The following FOXK1 variants were observed in gnomAD, a reference collection of about 807,000 sequenced individuals.
FOXK1 encodes forkhead box K1.
FOXK1 carries 19 observed loss-of-function variants against 51.9 expected under a neutral mutation model. The ratio of observed to expected loss-of-function variants is 0.37; its 90% CI spans 0.26 to 0.54. The LOEUF (loss-of-function observed/expected upper bound fraction) is 0.54, where lower values mean the gene tolerates loss of function less well. Among genes scored for constraint, FOXK1 ranks in the 20% least tolerant of loss-of-function variants. The pLI is 0.87. For synonymous variants in FOXK1, 537 were observed against 482.6 expected, an observed-to-expected ratio of 1.11 and a Z score of -1.48; for missense variants, 870 against 1,032.7, an observed-to-expected ratio of 0.84 and a Z score of 2.16.
Position 4,717,325 on chromosome 7 carries a change from G to A in FOXK1, c.561-23513G>A, listed in dbSNP as rs569633309. Among the ~76,000 whole-genome samples the A allele has an allele frequency of 6.8e-3, 891 of 130,486 alleles. 15 individuals are homozygous for A. Among genetic ancestry groups the A allele is most frequent in the African/African-American group, 0.024 (825 of 34,198 alleles). 85.6% of individuals were successfully genotyped at this position (130,486 alleles called of 152,430 possible). A position where few individuals can be genotyped will look rare whatever the true frequency, so the allele number is the denominator to read the frequency against. On this transcript the variant is annotated intron_variant, in intron 1 of 8. Transcript: ENST00000328914. ...GATGGAAGGTGGTGGCGGGAGGTGC[G>A]TGACTGGGGAGGTGTGTGGCTGGGA...
At chr7:4,687,573 C>A (rs911290740) in intron 1 of FOXK1, among the ~76,000 whole-genome samples, 1 of 152,116 alleles carries the variant, frequency 6.6e-6, no homozygotes, top group African/African-American at 2.4e-5. Context: ...GGATGACAGG[C>A]GTGAGCTACT....
intron 1 of FOXK1, among the ~76,000 whole-genome samples, chr7:4,710,106 G>GA (rs1780156062): frequency 6.6e-6 from 1 of 152,210 alleles, no homozygotes; most frequent in Non-Finnish European, 1.5e-5. Context: ...TTCCTCATCT[G>GA]AATGAGAAGG....
In FOXK1 at chr7:4,682,492, CCGGGCGCGATCG is replaced by C. The variant is rs1334689612; in HGVS notation, c.193_204del (p.Ile65_Ala68del). ...GCCGCCGCCGCCACCGCCGCTGCCT[CCGGGCGCGATCG>C]CGGGCGCGGGCTCCTCCGGGGGCTC... is the stretch of plus-strand genomic sequence containing the variant. On this transcript the variant is annotated inframe_deletion, in exon 1 of 9. Transcript: ENST00000328914. This position sits in a 1 kb window ranked among gnomAD's most constrained non-coding sequence, Gnocchi z 7.6. The C allele has an allele frequency of 2.0e-6, 2 of 1,014,460 alleles. No individual in the cohort carries two copies. The highest frequency in any genetic ancestry group is 2.4e-6 in the Non-Finnish European group (2 of 850,958). 62.8% of individuals were successfully genotyped at this position (1,014,460 alleles called of 1,614,324 possible). A position where few individuals can be genotyped will look rare whatever the true frequency, so the allele number is the denominator to read the frequency against.
chr7:4,699,120 A>G (rs150429205), intron 1 of FOXK1, among the ~76,000 whole-genome samples: 1 of 152,188 alleles, frequency 6.6e-6, no homozygotes, highest in African/African-American at 2.4e-5. Context: ...GGGACAGTTC[A>G]TCAGCCCTTC....
At chr7:4,736,098 G>A (rs545140210) in intron 1 of FOXK1, among the ~76,000 whole-genome samples, 155 of 152,220 alleles carry the variant, frequency 1.0e-3, no homozygotes, top group Non-Finnish European at 1.7e-3. Context: ...GCAGTGAGCC[G>A]AGATCGCACC....
At chr7:4,751,331 C>A (rs1046900305) in intron 2 of FOXK1, among the ~76,000 whole-genome samples, 3 of 152,130 alleles carry the variant, frequency 2.0e-5, no homozygotes, top group Admixed American at 2.0e-4. Context: ...AAGCGTGAGC[C>A]ACCGTGCCCG....
At chr7:4,693,983 C>T (rs568317218) in intron 1 of FOXK1, among the ~76,000 whole-genome samples, 7 of 152,202 alleles carry the variant, frequency 4.6e-5, no homozygotes, top group Admixed American at 2.6e-4. Context: ...TGGGCTCAAA[C>T]GATCCTCCTG....
intron 2 of FOXK1, among the ~76,000 whole-genome samples, chr7:4,746,708 A>C (rs961600125): frequency 7.9e-5 from 12 of 152,164 alleles, no homozygotes; most frequent in Non-Finnish European, 1.8e-4. Flanking sequence ...TAATTAAAAA[A>C]CACAAGTTTG....
intron 2 of FOXK1, 65 bp downstream of exon 2, chr7:4,741,088 T>C: frequency 8.5e-7 from 1 of 1,170,674 alleles, no homozygotes; most frequent in Non-Finnish European, 1.2e-6. Flanking sequence ...AGCGTGCCTG[T>C]CGTACGCAGC....
intron 1 of FOXK1, among the ~76,000 whole-genome samples, chr7:4,716,136 G>A (rs1441502040): frequency 6.6e-6 from 1 of 151,784 alleles, no homozygotes; most frequent in Non-Finnish European, 1.5e-5. Context: ...CAGGAGAATT[G>A]CTTGAATCCA....
Position 4,761,771 on chromosome 7 carries a change from C to G in FOXK1, c.1922-413C>G, listed in dbSNP as rs999604700. Among the ~76,000 whole-genome samples the G allele has an allele frequency of 6.6e-6, 1 of 152,250 alleles. No homozygotes were observed. Among genetic ancestry groups the G allele is most frequent in the Admixed American group, 6.5e-5 (1 of 15,290 alleles). ...ATCTGCCCACTCTCTGGAGCTCACACTCCATGGGGTGAGGCAAGAGGTCAA... is the reference window on the plus strand; with the variant it reads ...ATCTGCCCACTCTCTGGAGCTCACAGTCCATGGGGTGAGGCAAGAGGTCAA... On this transcript the variant is annotated intron_variant, in intron 8 of 8. Coordinates refer to ENST00000328914, the MANE Select transcript of FOXK1 (RefSeq NM_001037165.2). The surrounding 1 kb of genome is among the most constrained non-coding windows in gnomAD (Gnocchi z 6.2).
rs1350511300 is a variant in FOXK1, at chr7:4,734,606, G to T, written c.561-6232G>T. Among the ~76,000 whole-genome samples the T allele has an allele frequency of 6.6e-6, 1 of 152,206 alleles. No individual in the cohort carries two copies. The highest frequency in any genetic ancestry group is 1.5e-5 in the Non-Finnish European group (1 of 68,034). On this transcript the variant is annotated intron_variant, in intron 1 of 8. Transcript: ENST00000328914. The surrounding 1 kb of genome is among the most constrained non-coding windows in gnomAD (Gnocchi z 5.2). ...GTGTGCGTGGGCATCGGTGCACGGGGCTCCCTCCCTGGGGCTTCATGGGGG... is the reference window on the plus strand; with the variant it reads ...GTGTGCGTGGGCATCGGTGCACGGGTCTCCCTCCCTGGGGCTTCATGGGGG...
At chr7:4,685,937 C>T (rs971639920) in intron 1 of FOXK1, among the ~76,000 whole-genome samples, 9 of 148,988 alleles carry the variant, frequency 6.0e-5, no homozygotes, top group Non-Finnish European at 1.2e-4. Context: ...AGCAAGACTC[C>T]ATCTCAATAA....
chr7:4,741,009 G>A lies in FOXK1; in HGVS notation c.732G>A (p.Pro244=), dbSNP rs191951241. 7.9e-5 allele frequency: 120 copies of A among 1,524,706 alleles called. No individual in the cohort carries two copies. The Middle Eastern group carries it at 8.6e-4, about 11-fold the overall frequency. 94.4% of individuals were successfully genotyped at this position (1,524,706 alleles called of 1,614,324 possible). A position where few individuals can be genotyped will look rare whatever the true frequency, so the allele number is the denominator to read the frequency against. ...GCATGGTCAGCCCCGTCCCCTCCCC[G>A]ACGGGCACCATCAGGTGAGTAGCCC... ...LRSMVSPVPS[P]TGTISVPNSC... The change falls in exon 2 of 9, where the codon CCG becomes CCA. Residue 244 remains proline (P), a synonymous_variant. Transcript: ENST00000328914.
At chr7:4,705,648 T>G (rs981834083) in intron 1 of FOXK1, among the ~76,000 whole-genome samples, 8 of 149,840 alleles carry the variant, frequency 5.3e-5, no homozygotes, top group Non-Finnish European at 1.2e-4. Flanking sequence ...GCAATTCTCC[T>G]GCCTCAGCCT....
chr7:4,714,623 G>C (rs1187818483), intron 1 of FOXK1, among the ~76,000 whole-genome samples: 5 of 152,242 alleles, frequency 3.3e-5, no homozygotes, highest in Non-Finnish European at 7.3e-5. Flanking sequence ...CATTACTTTT[G>C]TGTGTCAAAG....
At chr7:4,744,100 T>C (rs1780670763) in intron 2 of FOXK1, among the ~76,000 whole-genome samples, 1 of 152,036 alleles carries the variant, frequency 6.6e-6, no homozygotes, top group Admixed American at 6.6e-5. Context: ...AAGAAAAATG[T>C]TTTGGTTTGC....
rs915783952 is a variant in FOXK1 at position 4,723,770 on chromosome 7, C to G, written c.561-17068C>G. 6.6e-6 allele frequency among the ~76,000 whole-genome samples: 1 copy of G among 151,902 alleles called. No individual in the cohort carries two copies. Among genetic ancestry groups the G allele is most frequent in the Non-Finnish European group, 1.5e-5 (1 of 67,952 alleles). ...GCAGCCTCAACCTCCTGGGCTCAAG[C>G]AATCCTCCCGCCTCAGCCTCCCAAA... is the stretch of plus-strand genomic sequence containing the variant. On this transcript the variant is annotated intron_variant, in intron 1 of 8. Coordinates refer to ENST00000328914, the MANE Select transcript of FOXK1 (RefSeq NM_001037165.2). The surrounding 1 kb of genome is among the most constrained non-coding windows in gnomAD (Gnocchi z 4.7).
At chr7:4,701,879 G>A (rs369058091) in intron 1 of FOXK1, among the ~76,000 whole-genome samples, 7 of 152,264 alleles carry the variant, frequency 4.6e-5, no homozygotes, top group East Asian at 3.9e-4. Flanking sequence ...GGCGATAAGC[G>A]AGACTCCGTC....
Sources: gnomAD v4.1 joint callset for allele counts (sites outside exome capture counted in the v4.1 genomes callset) on GRCh38, gnomAD v4.1.1 for gene constraint, Gnocchi (gnomAD v3.1) non-coding constraint, MANE v1.5 for transcripts, NCBI Gene and HGNC (gene_info 2026-07-23, HGNC 2026-07-21) for gene names.